FRMPD4: variants seen among roughly 807,000 people sequenced by gnomAD.
FRMPD4 encodes FERM and PDZ domain containing 4.
FRMPD4 carries 22 observed loss-of-function variants against 94.1 expected under a neutral mutation model. The ratio of observed to expected loss-of-function variants is 0.23; its 90% CI spans 0.17 to 0.33. The LOEUF is 0.33. Among genes scored for constraint, FRMPD4 ranks in the 10% least tolerant of loss-of-function variants. The pLI is 1.00. For synonymous variants in FRMPD4, 631 were observed against 548.6 expected (o/e 1.15, Z -2.10); for missense variants, 1,111 against 1,339.9 (o/e 0.83, Z 2.67).
chrX:12,675,016 T>G (rs764758649), intron 5 of FRMPD4, 108 bp downstream of exon 5: 148 of 586,571 alleles, frequency 2.5e-4, no homozygotes, highest in Non-Finnish European at 3.9e-4. Flanking sequence ...AAAAATAACA[T>G]GCACTCACAA....
intron 3 of FRMPD4, among the ~76,000 whole-genome samples, chrX:11,957,198 C>T (rs186332995): frequency 1.5e-4 from 17 of 111,540 alleles, no homozygotes; most frequent in Middle Eastern, 9.1e-3. Flanking sequence ...AAAATGAACA[C>T]GTAAAATATT....
intron 1 of FRMPD4, among the ~76,000 whole-genome samples, chrX:11,844,949 G>A (rs905316946): frequency 1.8e-5 from 2 of 111,548 alleles, no homozygotes; most frequent in African/African-American, 6.5e-5. Flanking sequence ...AAATTTAGAT[G>A]TTCTGGTTTG....
intron 4 of FRMPD4, among the ~76,000 whole-genome samples, chrX:12,623,954 G>A (rs1235768225): frequency 1.8e-5 from 2 of 111,970 alleles, no homozygotes; most frequent in Non-Finnish European, 3.8e-5. Context: ...TGAGGCTAGA[G>A]GATCACTTGA....
chrX:12,008,345 A>C (rs1445655702), intron 3 of FRMPD4, among the ~76,000 whole-genome samples: 5 of 111,687 alleles, frequency 4.5e-5, no homozygotes, highest in Non-Finnish European at 9.4e-5. Context: ...ATTATTTGTC[A>C]TTGGCTTTGG....
intron 1 of FRMPD4, among the ~76,000 whole-genome samples, chrX:12,350,958 G>A (rs982263077): frequency 1.3e-4 from 15 of 111,840 alleles, no homozygotes; most frequent in African/African-American, 3.9e-4. Context: ...GGCAGATCAC[G>A]AGGTCAGGAA....
intron 3 of FRMPD4, among the ~76,000 whole-genome samples, chrX:12,108,079 A>C (rs1271774581): frequency 1.8e-5 from 2 of 111,523 alleles, no homozygotes; most frequent in Non-Finnish European, 3.8e-5. Context: ...AGAACGCCAC[A>C]AAGATACTCC....
intron 2 of FRMPD4, among the ~76,000 whole-genome samples, chrX:12,544,594 TA>T (rs2058454937): frequency 8.9e-6 from 1 of 111,992 alleles, no homozygotes; most frequent in Non-Finnish European, 1.9e-5. Context: ...TTAGAGATTT[TA>T]ACTGGGTGCT....
intron 1 of FRMPD4, among the ~76,000 whole-genome samples, chrX:12,482,932 A>C (rs1409195212): frequency 8.9e-6 from 1 of 112,093 alleles, no homozygotes; most frequent in African/African-American, 3.2e-5. Context: ...AAATTGACAG[A>C]AAGTTTCTTG....
intron 3 of FRMPD4, among the ~76,000 whole-genome samples, chrX:11,894,133 A>C (rs763823408): frequency 9.0e-6 from 1 of 111,641 alleles, no homozygotes; most frequent in Non-Finnish European, 1.9e-5. Context: ...CTTCCTGACC[A>C]CCTGCACTCT....
intron 3 of FRMPD4, among the ~76,000 whole-genome samples, chrX:11,957,725 C>T (rs1256773172): frequency 9.0e-6 from 1 of 111,681 alleles, no homozygotes; most frequent in Non-Finnish European, 1.9e-5. Context: ...TTTTACAACT[C>T]TACTATTTGT....
intron 3 of FRMPD4, among the ~76,000 whole-genome samples, chrX:11,946,672 A>G (rs139981330): frequency 9.0e-5 from 10 of 111,406 alleles, no homozygotes; most frequent in Admixed American, 2.9e-4. Flanking sequence ...TAGCATTTGC[A>G]TTGGTAGACT....
chrX:11,932,893 C>A (rs1429655412), intron 3 of FRMPD4, among the ~76,000 whole-genome samples: 1 of 111,094 alleles, frequency 9.0e-6, no homozygotes, highest in Non-Finnish European at 1.9e-5. Flanking sequence ...AATAGCATCC[C>A]CATTGTTCTA....
chrX:11,833,821 A>G (rs372580575), intron 1 of FRMPD4, among the ~76,000 whole-genome samples: 1 of 111,493 alleles, frequency 9.0e-6, no homozygotes, highest in East Asian at 2.8e-4. Context: ...AGCAGAAGTG[A>G]AGCCTCACTG....
chrX:12,473,955 C>G (rs1601990346), intron 1 of FRMPD4, among the ~76,000 whole-genome samples: 1 of 109,631 alleles, frequency 9.1e-6, no homozygotes, highest in East Asian at 2.8e-4. Flanking sequence ...CAGCTCTGCA[C>G]CAAGCGGACC....
rs556640485 is a variant in FRMPD4, at chrX:12,442,718, G to C, written c.42-55962G>C. On this transcript the variant is annotated intron_variant, in intron 1 of 16. Transcript: ENST00000675598. Reference sequence around the variant, plus strand: ...CAGAGAGTTATTATATAACCTGGTAGTTCCACTCCTAGGTTTATACCCAAG... The same window carrying C: ...CAGAGAGTTATTATATAACCTGGTACTTCCACTCCTAGGTTTATACCCAAG... 9.0e-5 allele frequency among the ~76,000 whole-genome samples: 10 copies of C among 111,647 alleles called. No homozygotes were observed. In the South Asian group the frequency reaches 3.0e-3, roughly 34 times the overall value.
chrX:12,688,902 T>A (rs2147115633), intron 7 of FRMPD4, among the ~76,000 whole-genome samples: 1 of 109,468 alleles, frequency 9.1e-6, no homozygotes, highest in Non-Finnish European at 1.9e-5. Flanking sequence ...GAAAAGTCAG[T>A]AAAAGAAAAC....
chrX:11,944,083 T>C (rs1296413457), intron 3 of FRMPD4, among the ~76,000 whole-genome samples: 3 of 112,570 alleles, frequency 2.7e-5, no homozygotes, highest in South Asian at 7.4e-4. Flanking sequence ...GGGCATGTCC[T>C]TGTTCCAGTA....
intron 1 of FRMPD4, among the ~76,000 whole-genome samples, chrX:12,446,166 C>T (rs1368699616): frequency 8.9e-6 from 1 of 112,038 alleles, no homozygotes. Flanking sequence ...TTGATCAAAA[C>T]CCACAGTTAG....
intron 1 of FRMPD4, among the ~76,000 whole-genome samples, chrX:12,474,972 A>G (rs1198205301): frequency 1.8e-5 from 2 of 112,086 alleles, no homozygotes; most frequent in African/African-American, 3.2e-5. Context: ...TGAGGCCAGC[A>G]TCATCCTGAT....
Sources: allele counts gnomAD v4.1 joint callset (sites outside exome capture counted in the v4.1 genomes callset), GRCh38; gene constraint gnomAD v4.1.1; transcripts MANE v1.5; gene names NCBI Gene and HGNC (gene_info 2026-07-23, HGNC 2026-07-21).